The following PDE10A variants were observed in gnomAD, a reference collection of about 807,000 sequenced individuals.
The protein encoded by PDE10A is cAMP and cAMP-inhibited cGMP 3',5'-cyclic phosphodiesterase 10A.
PDE10A carries 39 observed loss-of-function variants against 97.7 expected under a neutral mutation model. The ratio of observed to expected loss-of-function variants is 0.40; its 90% CI spans 0.31 to 0.52. The LOEUF (loss-of-function observed/expected upper bound fraction) is 0.52, where lower values mean the gene tolerates loss of function less well. PDE10A is among the 20% of genes least tolerant of loss of function. PDE10A has a pLI of 0.56. For synonymous variants in PDE10A, 371 were observed against 376.8 expected, an observed-to-expected ratio of 0.98 and a Z score of 0.18; for missense variants, 731 against 1,047.8, an observed-to-expected ratio of 0.70 and a Z score of 4.17.
intron 2 of PDE10A, among the ~76,000 whole-genome samples, chr6:165,532,674 G>T (rs1031218582): frequency 1.3e-5 from 2 of 152,042 alleles, no homozygotes; most frequent in South Asian, 4.1e-4. Context: ...TAGCAAGTCT[G>T]GGGTGAGACC....
rs543038087 is a variant in PDE10A, at chr6:165,328,758, A to G, written c.*4267T>C. 1 of 152,214 alleles carries G rather than the reference A, an allele frequency of 6.6e-6. No individual in the cohort carries two copies. The highest frequency in any genetic ancestry group is 1.9e-4 in the East Asian group (1 of 5,176). 9.4% of individuals were successfully genotyped at this position (152,214 alleles called of 1,614,324 possible). A position where few individuals can be genotyped will look rare whatever the true frequency, so the allele number is the denominator to read the frequency against. ...ACCAGCACACCGTTGACACTTTTTA[A>G]TTTTTTCTTGCTATTTTTATCATAT... On this transcript the variant is annotated 3_prime_UTR_variant, in exon 22 of 22. Transcript: ENST00000539869.
At chr6:165,613,551 G>C (rs1787594360) in intron 1 of PDE10A, among the ~76,000 whole-genome samples, 1 of 152,034 alleles carries the variant, frequency 6.6e-6, no homozygotes, top group Admixed American at 6.6e-5. Context: ...AGGTGTGGGG[G>C]GATTCCTTGA....
chr6:165,835,367 C>T (rs78040271), intron 1 of PDE10A, among the ~76,000 whole-genome samples: 2,927 of 152,296 alleles, frequency 0.019, 49 homozygotes, highest in South Asian at 0.082. Context: ...GGGCCCATTC[C>T]GCTGGTCACT....
chr6:165,811,917 G>A (rs749433775), intron 1 of PDE10A, among the ~76,000 whole-genome samples: 6 of 151,876 alleles, frequency 4.0e-5, no homozygotes, highest in African/African-American at 7.3e-5. Flanking sequence ...GCAGTGGTGC[G>A]ATCTCAGCTC....
At chr6:165,432,847 A>C in intron 7 of PDE10A, 127 bp downstream of exon 7, 2 of 691,962 alleles carry the variant, frequency 2.9e-6, no homozygotes, top group Non-Finnish European at 2.4e-6. Context: ...AACACTGTTA[A>C]GCAAATTGTG....
chr6:165,497,984 A>C (rs568596073), intron 2 of PDE10A, among the ~76,000 whole-genome samples: 1 of 152,330 alleles, frequency 6.6e-6, no homozygotes, highest in Non-Finnish European at 1.5e-5. Context: ...AAACTTTATA[A>C]TTATGAATAA....
intron 1 of PDE10A, among the ~76,000 whole-genome samples, chr6:165,887,488 CT>C (rs1339358095): frequency 4.6e-5 from 7 of 152,146 alleles, no homozygotes; most frequent in Non-Finnish European, 8.8e-5. Flanking sequence ...CCTCCTGAAC[CT>C]TTCCTTCACT....
At chr6:165,883,146 G>T (rs1341312770) in intron 1 of PDE10A, among the ~76,000 whole-genome samples, 1 of 152,230 alleles carries the variant, frequency 6.6e-6, no homozygotes, top group African/African-American at 2.4e-5. Context: ...TGAGACAGGA[G>T]AATTGCTTGA....
chr6:165,385,997 T>C (rs866999356), intron 17 of PDE10A, among the ~76,000 whole-genome samples: 1 of 152,226 alleles, frequency 6.6e-6, no homozygotes. Context: ...CACCAATGAC[T>C]GAAATTCCAG....
rs1012959522 is a variant in PDE10A, at chr6:165,331,441, T to C, written c.*1584A>G. The C allele has an allele frequency of 1.6e-4, 24 of 152,236 alleles. No homozygotes were observed. Among genetic ancestry groups the C allele is most frequent in the African/African-American group, 5.8e-4 (24 of 41,464 alleles). The allele number at this position is 152,236 out of a possible 1,614,324, so 9.4% of individuals were successfully genotyped here. On this transcript the variant is annotated 3_prime_UTR_variant, in exon 22 of 22. Transcript: ENST00000539869. Reference sequence around the variant, plus strand: ...TTGCTACAACATAAATAAACCATGTTGTAGAAGCCTCTGATTTAATTTTGC... The same window carrying C: ...TTGCTACAACATAAATAAACCATGTCGTAGAAGCCTCTGATTTAATTTTGC...
chr6:165,749,397 AC>A (rs1792936651), intron 1 of PDE10A, among the ~76,000 whole-genome samples: 1 of 107,800 alleles, frequency 9.3e-6, no homozygotes. Context: ...CATCACCATT[AC>A]CATCAACACC....
At chr6:165,377,235 G>A (rs1784661544) in intron 18 of PDE10A, among the ~76,000 whole-genome samples, 1 of 152,010 alleles carries the variant, frequency 6.6e-6, no homozygotes, top group Non-Finnish European at 1.5e-5. Context: ...ATACATCTGA[G>A]TTATGCTTGA....
chr6:165,501,311 C>T (rs1283792743), intron 2 of PDE10A, among the ~76,000 whole-genome samples: 1 of 152,188 alleles, frequency 6.6e-6, no homozygotes, highest in Non-Finnish European at 1.5e-5. Context: ...CCTGTAATCC[C>T]AGCACTTTGG....
chr6:165,498,206 T>A (rs1355508282), intron 2 of PDE10A, among the ~76,000 whole-genome samples: 2 of 150,012 alleles, frequency 1.3e-5, no homozygotes, highest in Non-Finnish European at 3.0e-5. Context: ...AGGCCAGGAG[T>A]TCGAAACCAG....
At chr6:165,535,294 G>A (rs941667885) in intron 2 of PDE10A, among the ~76,000 whole-genome samples, 2 of 151,688 alleles carry the variant, frequency 1.3e-5, no homozygotes, top group Non-Finnish European at 1.5e-5. Context: ...ACAGTGGTGA[G>A]GTCTGGGATT....
chr6:165,948,573 C>T (rs1041487476), intron 1 of PDE10A: 4 of 152,308 alleles, frequency 2.6e-5, no homozygotes, highest in South Asian at 2.1e-4. Context: ...AATGCTCTCC[C>T]GTGTTTCCAG....
chr6:165,741,787 G>T (rs1427988174), intron 1 of PDE10A, among the ~76,000 whole-genome samples: 1 of 152,020 alleles, frequency 6.6e-6, no homozygotes, highest in African/African-American at 2.4e-5. Context: ...AAATAGCAAG[G>T]TTTATCCATG....
At chr6:165,482,383 A>G in intron 2 of PDE10A, 40 bp from the exon 3 acceptor site, 1 of 1,511,624 alleles carries the variant, frequency 6.6e-7, no homozygotes, top group Non-Finnish European at 9.2e-7. Context: ...ACAATTAGCG[A>G]CTGAGTAGGT....
chr6:165,499,597 G>A (rs1267609259), intron 2 of PDE10A, among the ~76,000 whole-genome samples: 2 of 152,098 alleles, frequency 1.3e-5, no homozygotes, highest in African/African-American at 4.8e-5. Flanking sequence ...AGCAGCTTAT[G>A]GCAATGATCA....
Sources: gnomAD v4.1 joint callset for allele counts (sites outside exome capture counted in the v4.1 genomes callset) on GRCh38, gnomAD v4.1.1 for gene constraint, MANE v1.5 for transcripts, NCBI Gene and HGNC (gene_info 2026-07-23, HGNC 2026-07-21) for gene names.